The following DPP6 variants were observed in gnomAD, a reference collection of about 807,000 sequenced individuals.
DPP6 encodes the protein A-type potassium channel modulatory protein DPP6.
A neutral mutation model predicts 122.6 loss-of-function variants in DPP6; 69 were observed. That is an observed-to-expected ratio of 0.56 (90% CI 0.46 to 0.69). DPP6 has a LOEUF of 0.69. Ranked by LOEUF, DPP6 falls within the 30% of genes least tolerant of loss-of-function variation. DPP6 has a pLI of 0.00. For synonymous variants in DPP6, 418 were observed against 433.1 expected (o/e 0.97, Z 0.43); for missense variants, 928 against 1,116.9 (o/e 0.83, Z 2.41).
chr7:154,286,496 T>A (rs2150958371), intron 1 of DPP6, among the ~76,000 whole-genome samples: 1 of 152,346 alleles, frequency 6.6e-6, no homozygotes, highest in Non-Finnish European at 1.5e-5. Flanking sequence ...AGCCTTCATC[T>A]ATCAGGGGAC....
intron 1 of DPP6, among the ~76,000 whole-genome samples, chr7:154,339,988 G>A (rs1809783602): frequency 2.0e-5 from 3 of 152,078 alleles, no homozygotes. Context: ...CAAGAGAATT[G>A]CTTGAACCTA....
At chr7:154,575,580 G>GTA (rs1437787754) in intron 5 of DPP6, among the ~76,000 whole-genome samples, 44 of 128,090 alleles carry the variant, frequency 3.4e-4, no homozygotes, top group African/African-American at 1.3e-3. Context: ...ATATGTGTAT[G>GTA]TGTGAGCGGG....
At chr7:154,269,174 C>T (rs1002797095) in intron 1 of DPP6, among the ~76,000 whole-genome samples, 1 of 151,682 alleles carries the variant, frequency 6.6e-6, no homozygotes, top group Non-Finnish European at 1.5e-5. Flanking sequence ...GCTGAGATAA[C>T]GTAATTTTCA....
At chr7:153,825,283 A>G in the DPP6 span, among the ~76,000 whole-genome samples, 135,115 of 152,112 alleles carry the variant, frequency 0.89, 60,159 homozygotes, top group African/African-American at 0.94. Flanking sequence ...GACCCCCTTT[A>G]AGGAGGACCA....
At chr7:154,199,903 C>G (rs941701187) in intron 1 of DPP6, among the ~76,000 whole-genome samples, 3 of 152,152 alleles carry the variant, frequency 2.0e-5, no homozygotes, top group Non-Finnish European at 2.9e-5. Context: ...CCACCATGCC[C>G]TGCTTTCTCA....
At chr7:154,076,467 T>A (rs533752130) in intron 1 of DPP6, among the ~76,000 whole-genome samples, 240 of 150,232 alleles carry the variant, frequency 1.6e-3, no homozygotes, top group African/African-American at 5.8e-3. Context: ...AAATAATAAA[T>A]TTTTAAAAAG....
intron 1 of DPP6, among the ~76,000 whole-genome samples, chr7:154,279,440 C>G (rs1275360684): frequency 6.6e-6 from 1 of 152,144 alleles, no homozygotes; most frequent in Non-Finnish European, 1.5e-5. Flanking sequence ...GTGGTGGTAT[C>G]ATGGGGATAA....
chr7:154,482,801 A>G (rs907805974), intron 3 of DPP6, among the ~76,000 whole-genome samples: 2 of 152,204 alleles, frequency 1.3e-5, no homozygotes, highest in African/African-American at 4.8e-5. Flanking sequence ...GTGAGTGACA[A>G]ATCAGCAGGA....
chr7:154,200,186 G>T (rs1799096514), intron 1 of DPP6, among the ~76,000 whole-genome samples: 1 of 151,928 alleles, frequency 6.6e-6, no homozygotes, highest in African/African-American at 2.4e-5. Flanking sequence ...TTTCTTTCCT[G>T]GCTCCTTTTT....
chr7:154,700,675 G>A lies in DPP6; in HGVS notation c.763-27092G>A, dbSNP rs549225633. Among the ~76,000 whole-genome samples, 13 of 152,276 alleles carry A rather than the reference G, an allele frequency of 8.5e-5. No homozygotes were observed. The South Asian group carries it at 1.2e-3, about 15-fold the overall frequency. The stretch of plus-strand genomic sequence containing the variant: ...GAGCATCAAAAACTGTTGACCTAGC[G>A]AAGAAAATGTGCATCTACTTCCCCA... On this transcript the variant is annotated intron_variant, in intron 7 of 25. Transcript: ENST00000377770.
chr7:154,372,499 T>A lies in DPP6; in HGVS notation c.244-73715T>A, dbSNP rs1021161407. Among the ~76,000 whole-genome samples, 3 of 152,174 alleles carry A rather than the reference T, an allele frequency of 2.0e-5. No homozygotes were observed. The South Asian group carries it at 6.2e-4, about 32-fold the overall frequency. ...TCACTTCCTAGCCCAGCTCCCAGAC[T>A]GGGGTCGCCCTGGATGACAGCATCA... On this transcript the variant is annotated intron_variant, in intron 1 of 25. Coordinates refer to ENST00000377770, the MANE Select transcript of DPP6 (RefSeq NM_130797.4).
the DPP6 span, among the ~76,000 whole-genome samples, chr7:153,825,065 G>A: frequency 6.6e-6 from 1 of 152,116 alleles, no homozygotes; most frequent in Non-Finnish European, 1.5e-5. Flanking sequence ...GTTAGGCTTT[G>A]CTGTGGGAAG....
intron 16 of DPP6, 112 bp from the exon 17 acceptor site, chr7:154,853,668 C>T (rs1802578565): frequency 6.8e-7 from 1 of 1,460,980 alleles, no homozygotes; most frequent in Non-Finnish European, 9.2e-7. Flanking sequence ...TTCGGGTTCT[C>T]CAGGCTCCGC....
At chr7:153,911,981 C>A (rs1489130390) in intron 1 of DPP6, among the ~76,000 whole-genome samples, 2 of 152,138 alleles carry the variant, frequency 1.3e-5, no homozygotes, top group South Asian at 4.1e-4. Context: ...CTGAAAACTT[C>A]GGGTTAAATT....
chr7:153,865,064 T>A, the DPP6 span, among the ~76,000 whole-genome samples: 2 of 152,114 alleles, frequency 1.3e-5, no homozygotes, highest in African/African-American at 4.8e-5. Context: ...TAAAGCAAAC[T>A]GATTAACACG....
At chr7:154,111,772 G>T (rs1806599523) in intron 1 of DPP6, among the ~76,000 whole-genome samples, 3 of 152,052 alleles carry the variant, frequency 2.0e-5, no homozygotes, top group African/African-American at 7.3e-5. Flanking sequence ...AAGCAAATCT[G>T]CACACAGTGT....
At position 153,952,361 on chromosome 7, in the gene DPP6, G is replaced by A. The variant is rs567788686; in HGVS notation, c.51+64627G>A. Among the ~76,000 whole-genome samples the A allele has an allele frequency of 2.7e-3, 409 of 152,316 alleles. 5 individuals are homozygous for A. The highest frequency in any genetic ancestry group is 9.4e-3 in the African/African-American group (391 of 41,566). On this transcript the variant is annotated intron_variant, in intron 1 of 25. Coordinates refer to the DPP6 transcript ENST00000404039. ...CAGAGGATTAAACTAAGGCCAGAAA[G>A]ATTAAGAAACTGTTTCAAAGCTATA...
At chr7:153,868,599 C>A in the DPP6 span, among the ~76,000 whole-genome samples, 9 of 152,180 alleles carry the variant, frequency 5.9e-5, no homozygotes, top group African/African-American at 9.6e-5. Context: ...TTTAAAAAAA[C>A]CAGCTCCTGG....
intron 1 of DPP6, among the ~76,000 whole-genome samples, chr7:154,387,499 G>A (rs1176587017): frequency 6.6e-6 from 1 of 152,364 alleles, no homozygotes; most frequent in Admixed American, 6.5e-5. Context: ...AGCCCAGCAG[G>A]TGGGTGGGCC....
Sources: gnomAD v4.1 joint callset for allele counts (sites outside exome capture counted in the v4.1 genomes callset) on GRCh38, gnomAD v4.1.1 for gene constraint, MANE v1.5 for transcripts, NCBI Gene and HGNC (gene_info 2026-07-23, HGNC 2026-07-21) for gene names.